SLC13A3: variants seen among roughly 807,000 people sequenced by gnomAD.
SLC13A3 encodes the protein Na(+)/dicarboxylate cotransporter 3.
In SLC13A3, 40 loss-of-function variants were observed where a neutral mutation model predicts 59.0. That is an observed-to-expected ratio of 0.68 (90% confidence interval 0.53 to 0.88). The LOEUF (loss-of-function observed/expected upper bound fraction) is 0.88. Among genes scored for constraint, SLC13A3 ranks in the 40% least tolerant of loss-of-function variants. SLC13A3 has a pLI of 0.00. For missense variants in SLC13A3, 699 were observed against 783.2 expected, an observed-to-expected ratio of 0.89 and a Z score of 1.28; for synonymous variants, 317 against 330.3, an observed-to-expected ratio of 0.96 and a Z score of 0.44.
At chr20:46,619,970 T>G (rs1200872212) in intron 1 of SLC13A3, among the ~76,000 whole-genome samples, 1 of 152,208 alleles carries the variant, frequency 6.6e-6, no homozygotes, top group Non-Finnish European at 1.5e-5. Context: ...AATGTCCCTG[T>G]GATTCAAGTT....
chr20:46,582,071 T>C lies in SLC13A3; in HGVS notation c.1219+1501A>G, dbSNP rs971552696. Among the ~76,000 whole-genome samples, 5 of 152,212 alleles carry C rather than the reference T, an allele frequency of 3.3e-5. No homozygotes were observed. The East Asian group carries it at 9.7e-4, about 30-fold the overall frequency. On this transcript the variant is annotated intron_variant, in intron 9 of 12. Coordinates refer to ENST00000279027, the MANE Select transcript of SLC13A3 (RefSeq NM_022829.6). Reference sequence around the variant, plus strand: ...AGAAGGCAGAGACGGGAGGGTCACTTGAGGCTAGGAGTTCAAGACCAGCCT... The same window carrying C: ...AGAAGGCAGAGACGGGAGGGTCACTCGAGGCTAGGAGTTCAAGACCAGCCT...
intron 3 of SLC13A3, among the ~76,000 whole-genome samples, chr20:46,602,409 G>A (rs1600544757): frequency 1.3e-5 from 2 of 152,180 alleles, no homozygotes. Context: ...GCCTTTGACA[G>A]TGTTTTGGAG....
chr20:46,578,563 C>T (rs1015414756), intron 9 of SLC13A3, among the ~76,000 whole-genome samples: 2 of 151,958 alleles, frequency 1.3e-5, no homozygotes, highest in Admixed American at 1.3e-4. Flanking sequence ...ATAATCCCAG[C>T]TACTTGGGAG....
chr20:46,643,279 C>T (rs192079005), intron 1 of SLC13A3, among the ~76,000 whole-genome samples: 5 of 152,094 alleles, frequency 3.3e-5, no homozygotes, highest in East Asian at 1.9e-4. Flanking sequence ...TGATAAAGAC[C>T]GTGAAGAAAA....
intron 1 of SLC13A3, among the ~76,000 whole-genome samples, chr20:46,644,333 T>G (rs2062873804): frequency 6.6e-6 from 1 of 152,172 alleles, no homozygotes; most frequent in African/African-American, 2.4e-5. Context: ...CACAGCAGTA[T>G]GAGGTTGAAC....
upstream of SLC13A3, among the ~76,000 whole-genome samples, chr20:46,654,668 T>C (rs1345693400): frequency 6.6e-6 from 1 of 152,190 alleles, no homozygotes; most frequent in Non-Finnish European, 1.5e-5. Context: ...TAGCTGGGAT[T>C]ACAGGCACCC....
At chr20:46,584,142 CCTAA>C (rs2062168481) in intron 8 of SLC13A3, 1 of 985,352 alleles carries the variant, frequency 1.0e-6, no homozygotes, top group Non-Finnish European at 1.2e-6. Flanking sequence ...CCCCTCAAAA[CCTAA>C]CTGTCACGTT....
rs1447767608 is a variant in SLC13A3 at position 46,559,179 on chromosome 20, CCA to C, written c.*841_*842del. On this transcript the variant is annotated 3_prime_UTR_variant, in exon 13 of 13. Transcript: ENST00000279027. ...CAAGCAGCAACTGACCGCCTTGCAG[CCA>C]CAGAGGCCTATGGGGGCCACATGTA... The C allele has an allele frequency of 1.3e-5, 2 of 152,338 alleles. No homozygotes were observed. The highest frequency in any genetic ancestry group is 4.8e-5 in the African/African-American group (2 of 41,418). The allele number at this position is 152,338 out of a possible 1,614,324, so 9.4% of individuals were successfully genotyped here. A position where few individuals can be genotyped will look rare whatever the true frequency, so the allele number is the denominator to read the frequency against.
At chr20:46,684,471 G>C (rs780543833), upstream of SLC13A3, 4 of 152,194 alleles carry the variant, frequency 2.6e-5, no homozygotes, top group African/African-American at 9.7e-5. Context: ...CCTTCTCCAC[G>C]TGGCAGCAGG....
intron 1 of SLC13A3, among the ~76,000 whole-genome samples, chr20:46,621,638 G>T (rs778793147): frequency 2.0e-5 from 3 of 152,168 alleles, no homozygotes; most frequent in Admixed American, 2.0e-4. Flanking sequence ...AATACACTGA[G>T]TACATTCTGC....
chr20:46,573,589 A>G (rs1481101542), intron 10 of SLC13A3, among the ~76,000 whole-genome samples: 1 of 152,250 alleles, frequency 6.6e-6, no homozygotes, highest in East Asian at 1.9e-4. Context: ...ATGAGGATTT[A>G]TGAGCTGGTG....
intron 1 of SLC13A3, among the ~76,000 whole-genome samples, chr20:46,629,592 C>T (rs564301355): frequency 1.6e-4 from 24 of 152,278 alleles, no homozygotes; most frequent in Non-Finnish European, 2.9e-4. Flanking sequence ...TTTTCCACTT[C>T]ATTTTGTTCA....
At chr20:46,657,104 T>C (rs1257475682) in intron 1 of SLC13A3, among the ~76,000 whole-genome samples, 1 of 151,966 alleles carries the variant, frequency 6.6e-6, no homozygotes, top group African/African-American at 2.4e-5. Context: ...CAAAACCTCA[T>C]CTCTACTAAC....
chr20:46,616,523 A>C (rs192621041), intron 1 of SLC13A3, among the ~76,000 whole-genome samples: 97 of 152,334 alleles, frequency 6.4e-4, no homozygotes, highest in East Asian at 5.4e-3. Flanking sequence ...GGTGGATGTC[A>C]GAGCCGTTTC....
At chr20:46,617,609 CGT>C (rs573612968) in intron 1 of SLC13A3, among the ~76,000 whole-genome samples, 5 of 69,230 alleles carry the variant, frequency 7.2e-5, no homozygotes, top group East Asian at 6.2e-4. Flanking sequence ...TGTGTGTGTG[CGT>C]GTGTGTGTGT....
Position 46,659,762 on chromosome 20 carries a change from A to G in SLC13A3, c.-31+10281T>C, listed in dbSNP as rs1377993017. ...AAAAACAAAGAAAGAAAGCCTTACA[A>G]TAATGGAAATAATGTAAAAAAATTC... On this transcript the variant is annotated intron_variant, in intron 1 of 12. Transcript: ENST00000290317. Among the ~76,000 whole-genome samples the G allele has an allele frequency of 2.6e-5, 4 of 151,168 alleles. No homozygotes were observed. The East Asian group carries it at 5.8e-4, about 22-fold the overall frequency.
At chr20:46,649,749 TGA>T (rs2062934734) in intron 1 of SLC13A3, among the ~76,000 whole-genome samples, 2 of 152,154 alleles carry the variant, frequency 1.3e-5, no homozygotes, top group East Asian at 1.9e-4. Flanking sequence ...TGGGGTGGGC[TGA>T]GTTTTGCAAA....
At chr20:46,629,513 C>G (rs138525247) in intron 1 of SLC13A3, among the ~76,000 whole-genome samples, 9 of 152,270 alleles carry the variant, frequency 5.9e-5, no homozygotes, top group Non-Finnish European at 8.8e-5. Context: ...TCTTCAGGAA[C>G]ACCAATTATG....
rs1396844325 is a variant in SLC13A3, at chr20:46,608,637, C to T, written c.541+1809G>A. The T allele has an allele frequency of 3.3e-5, 12 of 367,402 alleles. No homozygotes were observed. In the Admixed American group the frequency reaches 4.5e-4, roughly 14 times the overall value. The allele number at this position is 367,402 out of a possible 1,614,324, so 22.8% of individuals were successfully genotyped here. Reference sequence around the variant, plus strand: ...GCTGTGAAAATAAAATAAGCAGGACCCCTTAGTGTATGACGGGGAAATACT... The same window carrying T: ...GCTGTGAAAATAAAATAAGCAGGACTCCTTAGTGTATGACGGGGAAATACT... On this transcript the variant is annotated intron_variant, in intron 3 of 12. Transcript: ENST00000279027.
Sources: gnomAD v4.1 joint callset for allele counts (sites outside exome capture counted in the v4.1 genomes callset) on GRCh38, gnomAD v4.1.1 for gene constraint, MANE v1.5 for transcripts, NCBI Gene and HGNC (gene_info 2026-07-23, HGNC 2026-07-21) for gene names.